The following ABCB1 variants were observed in gnomAD, a reference collection of about 807,000 sequenced individuals.
The protein encoded by ABCB1 is ATP-dependent translocase ABCB1.
A neutral mutation model predicts 142.0 loss-of-function variants in ABCB1; 69 were observed. The ratio of observed to expected loss-of-function variants is 0.49; its 90% CI spans 0.40 to 0.59. The LOEUF (loss-of-function observed/expected upper bound fraction) is 0.59, where lower values mean the gene tolerates loss of function less well. Ranked by LOEUF, ABCB1 falls within the 20% of genes least tolerant of loss-of-function variation. The pLI is 0.00. For missense variants in ABCB1, 1,326 were observed against 1,554.7 expected (o/e 0.85, Z 2.47); for synonymous variants, 532 against 539.2 (o/e 0.99, Z 0.18).
upstream of ABCB1, among the ~76,000 whole-genome samples, chr7:87,601,668 T>G (rs1054061938): frequency 1.3e-5 from 2 of 152,268 alleles, no homozygotes; most frequent in African/African-American, 4.8e-5. Flanking sequence ...GAAAAGTACG[T>G]GCAATCTGCA....
At chr7:87,574,008 A>G (rs1447163781) in intron 4 of ABCB1, among the ~76,000 whole-genome samples, 1 of 152,182 alleles carries the variant, frequency 6.6e-6, no homozygotes, top group Non-Finnish European at 1.5e-5. Flanking sequence ...TTTAGACTGA[A>G]AAAATATTTT....
chr7:87,646,737 CCAGGGATTGGCAG>C (rs72294310), intron 1 of ABCB1, among the ~76,000 whole-genome samples: 4,743 of 152,148 alleles, frequency 0.031, 72 homozygotes, highest in Middle Eastern at 0.048. Flanking sequence ...TAAAAGTTTG[CCAGGGATTGGCAG>C]CATTATTCTT....
intron 2 of ABCB1, among the ~76,000 whole-genome samples, chr7:87,599,314 T>A (rs1035713639): frequency 6.6e-6 from 1 of 152,222 alleles, no homozygotes; most frequent in Non-Finnish European, 1.5e-5. Context: ...ATTTTCCCTA[T>A]ATGATTACAT....
intron 27 of ABCB1, 143 bp downstream of exon 27, chr7:87,505,754 C>G: frequency 1.0e-6 from 1 of 1,001,114 alleles, no homozygotes; most frequent in South Asian, 1.4e-5. Flanking sequence ...TGAATAACAG[C>G]TACAGAAAGT....
intron 1 of ABCB1, among the ~76,000 whole-genome samples, chr7:87,635,314 A>G (rs1821656231): frequency 6.6e-6 from 1 of 152,214 alleles, no homozygotes; most frequent in Non-Finnish European, 1.5e-5. Flanking sequence ...CATCATAAGA[A>G]GCAGTCACAG....
At chr7:87,694,037 G>GT in intron 1 of ABCB1, 1 of 1,573,442 alleles carries the variant, frequency 6.4e-7, no homozygotes, top group East Asian at 2.3e-5. Flanking sequence ...GGCTGTATCA[G>GT]TTAAGTGATC....
chr7:87,675,527 A>G (rs1826240261), intron 1 of ABCB1, among the ~76,000 whole-genome samples: 1 of 152,140 alleles, frequency 6.6e-6, no homozygotes, highest in Non-Finnish European at 1.5e-5. Flanking sequence ...GGAACAAAGT[A>G]GAGAACCCAG....
chr7:87,511,056 C>A (rs1475191715), intron 25 of ABCB1, among the ~76,000 whole-genome samples: 2 of 152,134 alleles, frequency 1.3e-5, no homozygotes, highest in Non-Finnish European at 2.9e-5. Flanking sequence ...ACAGGCAAAT[C>A]TGAATGATCT....
intron 2 of ABCB1, 24 bp from the exon 3 acceptor site, chr7:87,595,838 A>G: frequency 6.3e-7 from 1 of 1,587,348 alleles, no homozygotes; most frequent in Non-Finnish European, 8.6e-7. Context: ...ATGGAATTAC[A>G]TAAAACTTTA....
intron 1 of ABCB1, among the ~76,000 whole-genome samples, chr7:87,652,625 T>C (rs948466256): frequency 6.8e-6 from 1 of 147,142 alleles, no homozygotes; most frequent in Non-Finnish European, 1.5e-5. Context: ...GTCACTGATA[T>C]ATATATATAT....
chr7:87,628,731 C>T, intron 1 of ABCB1: 1 of 767,956 alleles, frequency 1.3e-6, no homozygotes, highest in Non-Finnish European at 1.8e-6. Flanking sequence ...TCCCGCGCCC[C>T]CACGGTTGCG....
At chr7:87,697,676 T>C (rs1286676101) in intron 1 of ABCB1, among the ~76,000 whole-genome samples, 1 of 152,218 alleles carries the variant, frequency 6.6e-6, no homozygotes, top group Non-Finnish European at 1.5e-5. Context: ...TAATTAACAC[T>C]TATTTTGAAT....
chr7:87,656,963 C>T (rs1026039641), intron 1 of ABCB1, among the ~76,000 whole-genome samples: 4 of 152,006 alleles, frequency 2.6e-5, no homozygotes, highest in Non-Finnish European at 4.4e-5. Flanking sequence ...AACAAAAATC[C>T]CTGCCCTCAT....
chr7:87,680,913 CAAA>C (rs1203843564), intron 1 of ABCB1, among the ~76,000 whole-genome samples: 2 of 150,190 alleles, frequency 1.3e-5, no homozygotes, highest in Admixed American at 6.7e-5. Flanking sequence ...AAATTAAAAA[CAAA>C]AACAATAATT....
chr7:87,559,408 C>T (rs28381872), intron 8 of ABCB1, among the ~76,000 whole-genome samples: 4,737 of 151,940 alleles, frequency 0.031, 130 homozygotes, highest in African/African-American at 0.073. Flanking sequence ...ATTTTTTAAT[C>T]TGTTACAAGT....
chr7:87,606,394 T>C (rs780566897), intron 1 of ABCB1, among the ~76,000 whole-genome samples: 11 of 152,130 alleles, frequency 7.2e-5, no homozygotes, highest in Non-Finnish European at 1.3e-4. Context: ...TTTGACTCAG[T>C]AATTCAATTT....
intron 1 of ABCB1, among the ~76,000 whole-genome samples, chr7:87,632,420 T>C (rs10276499): frequency 0.16 from 23,920 of 152,158 alleles, 3,170 homozygotes; most frequent in African/African-American, 0.37. Flanking sequence ...ATTTACATGT[T>C]GTAGACTAAA....
At chr7:87,656,582 G>A (rs532093793) in intron 1 of ABCB1, among the ~76,000 whole-genome samples, 1 of 152,132 alleles carries the variant, frequency 6.6e-6, no homozygotes, top group African/African-American at 2.4e-5. Context: ...GATAAAGGGG[G>A]AGGAGGAAAA....
intron 1 of ABCB1, among the ~76,000 whole-genome samples, chr7:87,665,246 A>G (rs548438511): frequency 1.2e-4 from 19 of 152,340 alleles, no homozygotes; most frequent in African/African-American, 4.6e-4. Context: ...GTGAAGTCGT[A>G]TGATACAAAA....
Sources: allele counts gnomAD v4.1 joint callset (sites outside exome capture counted in the v4.1 genomes callset), GRCh38; gene constraint gnomAD v4.1.1; transcripts MANE v1.5; gene names NCBI Gene and HGNC (gene_info 2026-07-23, HGNC 2026-07-21).